Variants in PTP4A2 observed in about 807,000 individuals in gnomAD.
PTP4A2 encodes protein tyrosine phosphatase 4A2.
A neutral mutation model predicts 22.9 loss-of-function variants in PTP4A2; 2 were observed. That is an observed-to-expected ratio of 0.09 (90% CI 0.04 to 0.27). The LOEUF (loss-of-function observed/expected upper bound fraction) is 0.27, where lower values mean the gene tolerates loss of function less well. PTP4A2 is among the 10% of genes least tolerant of loss of function. The probability of loss-of-function intolerance (pLI) is 1.00; values close to 1 mark genes in which losing one functional copy is unlikely to be tolerated. For missense variants in PTP4A2, 103 were observed against 205.1 expected (o/e 0.50, Z 3.04); for synonymous variants, 68 against 69.1 (o/e 0.98, Z 0.08).
In PTP4A2 at chr1:31,906,962, G is replaced by T. The variant is rs1171855327; in HGVS notation, c.*1890C>A. Reference sequence around the variant, plus strand: ...TTGCATTCTGAAATAAAGAATTTTGGATATACCATTATGTTTTAAAGTCCT... The same window carrying T: ...TTGCATTCTGAAATAAAGAATTTTGTATATACCATTATGTTTTAAAGTCCT... On this transcript the variant is annotated 3_prime_UTR_variant, in exon 6 of 6. Transcript: ENST00000647444. 1 of 152,100 alleles carries T rather than the reference G, an allele frequency of 6.6e-6. No individual in the cohort carries two copies. Among genetic ancestry groups the T allele is most frequent in the African/African-American group, 2.4e-5 (1 of 41,408 alleles). 9.4% of individuals were successfully genotyped at this position (152,100 alleles called of 1,614,324 possible). A position where few individuals can be genotyped will look rare whatever the true frequency, so the allele number is the denominator to read the frequency against.
chr1:31,918,861 T>C (rs974342812), intron 2 of PTP4A2, 109 bp downstream of exon 2: 2 of 649,144 alleles, frequency 3.1e-6, no homozygotes, highest in Admixed American at 2.7e-5. Context: ...CAAACCAGGA[T>C]TGGCAGGATG....
chr1:31,917,902 GGTGCAGGTTGCAGTGAGCCAAGATC>G lies in PTP4A2; in HGVS notation c.96+1043_96+1067del, dbSNP rs1651933640. ...GCAGGAGAATCGCTTAAACCTGGGA[GGTGCAGGTTGCAGTGAGCCAAGATC>G]GTGCCACTGCACTCCGTCTCAAAAA... On this transcript the variant is annotated intron_variant, in intron 2 of 5. Coordinates refer to ENST00000647444, the MANE Select transcript of PTP4A2 (RefSeq NM_080391.4). 2.7e-5 allele frequency among the ~76,000 whole-genome samples: 4 copies of G among 147,710 alleles called. No individual in the cohort carries two copies. In the South Asian group the frequency reaches 8.5e-4, roughly 31 times the overall value.
intron 1 of PTP4A2, among the ~76,000 whole-genome samples, chr1:31,920,481 A>G (rs1652090492): frequency 6.6e-6 from 1 of 151,814 alleles, no homozygotes; most frequent in African/African-American, 2.4e-5. Context: ...AGACTCGATT[A>G]CTTTTAACTC....
chr1:31,908,344 G>A lies in PTP4A2; in HGVS notation c.*508C>T, dbSNP rs1651354565. The A allele has an allele frequency of 6.9e-6, 1 of 145,038 alleles. No individual in the cohort carries two copies. The highest frequency in any genetic ancestry group is 1.5e-5 in the Non-Finnish European group (1 of 66,344). 9.0% of individuals were successfully genotyped at this position (145,038 alleles called of 1,614,324 possible). On this transcript the variant is annotated 3_prime_UTR_variant, in exon 6 of 6. Transcript: ENST00000647444. ...CTATTCCATCTACAACTTGGATCGG[G>A]GGAAAAGGGAGATGTAGGAGAGGAA...
At chr1:31,924,257 T>C (rs1292376929) in intron 1 of PTP4A2, 1 of 152,212 alleles carries the variant, frequency 6.6e-6, no homozygotes, top group South Asian at 2.1e-4. Context: ...AATTCATTAT[T>C]AAGATTTTCA....
At chr1:31,920,740 G>A (rs1013096492) in intron 1 of PTP4A2, among the ~76,000 whole-genome samples, 2 of 151,754 alleles carry the variant, frequency 1.3e-5, no homozygotes, top group African/African-American at 4.8e-5. Flanking sequence ...GCTTCACCAC[G>A]TTGACCAGGC....
Position 31,906,492 on chromosome 1 carries a change from T to C in PTP4A2, c.*2360A>G, listed in dbSNP as rs190451604. On this transcript the variant is annotated 3_prime_UTR_variant, in exon 6 of 6. Transcript: ENST00000647444. Reference sequence around the variant, plus strand: ...TGGTTTTAAATCAGGCTGCACACCTTTCAAATCAATCTGACATCTCTCTAT... The same window carrying C: ...TGGTTTTAAATCAGGCTGCACACCTCTCAAATCAATCTGACATCTCTCTAT... The C allele has an allele frequency of 6.6e-6, 1 of 152,258 alleles. No individual in the cohort carries two copies. Among genetic ancestry groups the C allele is most frequent in the East Asian group, 1.9e-4 (1 of 5,182 alleles). 9.4% of individuals were successfully genotyped at this position (152,258 alleles called of 1,614,324 possible). A position where few individuals can be genotyped will look rare whatever the true frequency, so the allele number is the denominator to read the frequency against.
intron 1 of PTP4A2, among the ~76,000 whole-genome samples, chr1:31,922,454 G>A (rs1391217816): frequency 1.3e-5 from 2 of 152,178 alleles, no homozygotes; most frequent in Non-Finnish European, 2.9e-5. Flanking sequence ...CTGCACTCCA[G>A]CCTGGGCAAC....
chr1:31,908,887 A>T lies in PTP4A2; in HGVS notation c.469T>A (p.Phe157Ile). 6.2e-7 allele frequency: 1 copy of T among 1,613,884 alleles called. No homozygotes were observed. Among genetic ancestry groups the T allele is most frequent in the Non-Finnish European group, 8.5e-7 (1 of 1,179,928 alleles). Residue 157 changes from phenylalanine to isoleucine, a missense_variant, in exon 6 of 6, where the codon TTC becomes ATC. Around this residue, in one of 3 missense-constraint regions of PTP4A2, gnomAD observed 35 missense variants for 64.5 expected, o/e 0.54. Transcript: ENST00000647444. ...CAGCAATGCCCATTGGTATCTCTGA[A>T]GCGTAATCGCATCTTAGGTCGGTAT... ...EKYRPKMRLR[F>I]RDTNGHCCVQ
rs541958375 is a variant in PTP4A2, at chr1:31,923,313, C to A, written c.-593-3655G>T. ...CCTCAAACTTCTGGGCACAAGTGAT[C>A]CTTCTGCCTCAACCTCTTTTTTTTT... On this transcript the variant is annotated intron_variant, in intron 1 of 5. Transcript: ENST00000647444. Among the ~76,000 whole-genome samples the A allele has an allele frequency of 7.3e-5, 11 of 150,088 alleles. No individual in the cohort carries two copies. The East Asian group carries it at 2.2e-3, about 29-fold the overall frequency.
chr1:31,920,063 T>C (rs1041267016), intron 1 of PTP4A2, among the ~76,000 whole-genome samples: 3 of 140,602 alleles, frequency 2.1e-5, no homozygotes, highest in African/African-American at 8.1e-5. Context: ...GAGGTAGAGG[T>C]TGTGATGAGC....
chr1:31,915,137 A>C (rs1651758125), intron 3 of PTP4A2, among the ~76,000 whole-genome samples: 1 of 152,220 alleles, frequency 6.6e-6, no homozygotes, highest in Non-Finnish European at 1.5e-5. Context: ...ATATTGTATT[A>C]ATTTCCTAAA....
intron 1 of PTP4A2, among the ~76,000 whole-genome samples, chr1:31,922,168 T>TC (rs1483320055): frequency 6.6e-6 from 1 of 152,116 alleles, no homozygotes; most frequent in Non-Finnish European, 1.5e-5. Context: ...AACAGAAACA[T>TC]CAACTACCCT....
intron 2 of PTP4A2, 77 bp downstream of exon 2, chr1:31,918,893 G>A (rs1456152447): frequency 2.3e-6 from 2 of 856,340 alleles, no homozygotes; most frequent in African/African-American, 3.4e-5. Context: ...AGAATAAATG[G>A]CTTTGTGCTA....
intron 1 of PTP4A2, among the ~76,000 whole-genome samples, chr1:31,932,205 T>A (rs539472115): frequency 3.9e-5 from 6 of 152,286 alleles, no homozygotes; most frequent in African/African-American, 1.4e-4. Context: ...AACAAATATA[T>A]CATGTGTACA....
chr1:31,934,388 C>T (rs1451599994), intron 1 of PTP4A2, among the ~76,000 whole-genome samples: 2 of 152,224 alleles, frequency 1.3e-5, no homozygotes, highest in African/African-American at 4.8e-5. Flanking sequence ...AACTTAGTTT[C>T]ACAAAAACTT....
intron 5 of PTP4A2, 49 bp from the exon 6 acceptor site, chr1:31,909,009 T>G (rs771888718): frequency 7.5e-7 from 1 of 1,339,514 alleles, no homozygotes; most frequent in South Asian, 1.2e-5. Flanking sequence ...AAGAGCTGTC[T>G]GATTCACTGA....
rs150453669 is a variant in PTP4A2 at position 31,913,462 on chromosome 1, T to C, written c.190-1636A>G. On this transcript the variant is annotated intron_variant, in intron 3 of 5. Coordinates refer to ENST00000647444, the MANE Select transcript of PTP4A2 (RefSeq NM_080391.4). The stretch of plus-strand genomic sequence containing the variant: ...GGATTGCTGGATCAAATGATAGTTC[T>C]ACTTTTAGTTCTTTAAGGAATCTCC... 4.5e-3 allele frequency among the ~76,000 whole-genome samples: 682 copies of C among 152,350 alleles called. 4 individuals carry two copies. The highest frequency in any genetic ancestry group is 0.016 in the African/African-American group (646 of 41,574).
intron 3 of PTP4A2, 65 bp downstream of exon 3, chr1:31,915,829 GT>G (rs1342217219): frequency 8.7e-7 from 1 of 1,144,218 alleles, no homozygotes; most frequent in African/African-American, 1.6e-5. Context: ...ACCTGGCCTA[GT>G]TTTATAAATA....
Sources: gnomAD v4.1 joint callset for allele counts (sites outside exome capture counted in the v4.1 genomes callset) on GRCh38, gnomAD v4.1.1 for gene constraint, gnomAD v4.1.1 regional missense constraint, MANE v1.5 for transcripts, NCBI Gene and HGNC (gene_info 2026-07-23, HGNC 2026-07-21) for gene names.